The following PCDH15 variants were observed in gnomAD, a reference collection of about 807,000 sequenced individuals.
The protein encoded by PCDH15 is protocadherin-15.
PCDH15 carries 129 observed loss-of-function variants against 178.5 expected under a neutral mutation model. The ratio of observed to expected loss-of-function variants is 0.72; its 90% CI spans 0.63 to 0.84. The LOEUF (loss-of-function observed/expected upper bound fraction) is 0.84, where lower values mean the gene tolerates loss of function less well. PCDH15 is among the 40% of genes least tolerant of loss of function. The pLI, the probability that PCDH15 is intolerant of heterozygous loss-of-function variation, is 0.00. For synonymous variants in PCDH15, 800 were observed against 732.0 expected, an observed-to-expected ratio of 1.09 and a Z score of -1.50; for missense variants, 2,230 against 2,099.9, an observed-to-expected ratio of 1.06 and a Z score of -1.21.
chr10:54,215,876 C>CT lies in PCDH15; in HGVS notation c.986-1829dup, dbSNP rs538756832. ...CTGACACAGTGAAAGCCCGCCTCTA[C>CT]TAAAAAAAATACAAAAAATTAGCCA... On this transcript the variant is annotated intron_variant, in intron 9 of 37. Transcript: ENST00000644397. 1.8e-3 allele frequency among the ~76,000 whole-genome samples: 271 copies of CT among 151,268 alleles called. 1 individual carries two copies. The highest frequency in any genetic ancestry group is 6.1e-3 in the African/African-American group (253 of 41,254).
At chr10:54,151,517 G>A (rs2044529301) in intron 14 of PCDH15, among the ~76,000 whole-genome samples, 1 of 151,998 alleles carries the variant, frequency 6.6e-6, no homozygotes, top group East Asian at 1.9e-4. Flanking sequence ...TCTAGACTGG[G>A]AGACAGAGTT....
In PCDH15 at chr10:55,572,610, CA is replaced by C. The variant is rs143419128; in HGVS notation, c.-156+55014del. On this transcript the variant is annotated intron_variant, in intron 2 of 5. Transcript: ENST00000613346. ...GATAAACAATAAACGAGGAAACAAG[CA>C]AATACAGAATATGTCATGTACGGAT... is the stretch of plus-strand genomic sequence containing the variant. Among the ~76,000 whole-genome samples the C allele has an allele frequency of 2.9e-4, 44 of 151,960 alleles. No homozygotes were observed. In the East Asian group the frequency reaches 7.6e-3, roughly 26 times the overall value.
At chr10:55,531,365 T>C (rs930599729) in intron 2 of PCDH15, among the ~76,000 whole-genome samples, 1 of 152,128 alleles carries the variant, frequency 6.6e-6, no homozygotes, top group East Asian at 1.9e-4. Flanking sequence ...TCTTCAAACA[T>C]GTTTTTCCTC....
At chr10:54,945,671 C>T (rs1261868138) in intron 2 of PCDH15, among the ~76,000 whole-genome samples, 1 of 151,654 alleles carries the variant, frequency 6.6e-6, no homozygotes, top group Non-Finnish European at 1.5e-5. Context: ...TAAACAGTAG[C>T]CTTTCTAAAA....
chr10:54,004,979 G>A (rs2092332942), intron 20 of PCDH15, among the ~76,000 whole-genome samples: 2 of 150,544 alleles, frequency 1.3e-5, no homozygotes, highest in Non-Finnish European at 1.5e-5. Flanking sequence ...ATATATCCAT[G>A]GAACAGAATT....
intron 26 of PCDH15, among the ~76,000 whole-genome samples, chr10:53,881,893 T>C (rs998354137): frequency 2.6e-5 from 4 of 152,028 alleles, no homozygotes; most frequent in South Asian, 4.1e-4. Context: ...ATCTGAAGAG[T>C]TGGCCCCAAA....
At chr10:53,955,249 G>C (rs779691217) in intron 23 of PCDH15, among the ~76,000 whole-genome samples, 1 of 152,144 alleles carries the variant, frequency 6.6e-6, no homozygotes, top group Non-Finnish European at 1.5e-5. Flanking sequence ...TTTTGAAATA[G>C]AGTGTTGAAG....
intron 1 of PCDH15, among the ~76,000 whole-genome samples, chr10:54,774,126 T>A (rs1054420231): frequency 3.5e-5 from 5 of 144,906 alleles, no homozygotes; most frequent in Non-Finnish European, 7.5e-5. Flanking sequence ...CCTCCTGGGT[T>A]CACACCACTC....
intron 1 of PCDH15, among the ~76,000 whole-genome samples, chr10:54,779,429 C>CAT (rs200324192): frequency 0.21 from 20,686 of 99,368 alleles, 2,667 homozygotes; most frequent in East Asian, 0.64. Flanking sequence ...TATACACACA[C>CAT]ATATGTGTAT....
rs536804170 is a variant in PCDH15, at chr10:53,946,819, C to T, written c.3123-5844G>A. On this transcript the variant is annotated intron_variant, in intron 23 of 37. Transcript: ENST00000644397. ...TTTAGACGGAGTCTCGCTCTATCGC[C>T]CAGACTGGAGTGCAGTGGCGCGATC... Among the ~76,000 whole-genome samples the T allele has an allele frequency of 3.3e-5, 5 of 152,302 alleles. No homozygotes were observed. The East Asian group carries it at 7.7e-4, about 24-fold the overall frequency.
At chr10:53,869,090 G>A (rs1403043032) in intron 26 of PCDH15, among the ~76,000 whole-genome samples, 1 of 152,154 alleles carries the variant, frequency 6.6e-6, no homozygotes, top group Non-Finnish European at 1.5e-5. Context: ...TTACAGACAT[G>A]AGCCACTGTG....
intron 18 of PCDH15, among the ~76,000 whole-genome samples, chr10:54,046,984 C>G (rs1213593426): frequency 6.6e-6 from 1 of 151,870 alleles, no homozygotes; most frequent in Non-Finnish European, 1.5e-5. Context: ...CTGAACTGAA[C>G]TAAAGTGAAT....
In PCDH15 at chr10:54,686,627, T is replaced by C. The variant is rs187434133; in HGVS notation, c.-28-22337A>G. The stretch of plus-strand genomic sequence containing the variant: ...GTGTCCAATACCATTCTTTTTTATA[T>C]TCTTATCTATTTTTCCACCACCATG... On this transcript the variant is annotated intron_variant, in intron 1 of 37. Transcript: ENST00000644397. 1.8e-4 allele frequency among the ~76,000 whole-genome samples: 28 copies of C among 152,318 alleles called. No homozygotes were observed. The East Asian group carries it at 4.8e-3, about 26-fold the overall frequency.
At chr10:54,467,386 C>A (rs1449491138) in intron 3 of PCDH15, among the ~76,000 whole-genome samples, 1 of 151,532 alleles carries the variant, frequency 6.6e-6, no homozygotes, top group African/African-American at 2.4e-5. Flanking sequence ...TTCCCTATTT[C>A]TCTGTGTCTA....
chr10:54,088,553 A>G (rs984853549), intron 16 of PCDH15, among the ~76,000 whole-genome samples: 1 of 152,160 alleles, frequency 6.6e-6, no homozygotes, highest in Admixed American at 6.6e-5. Context: ...AAAATTGACG[A>G]GACCCAATTT....
chr10:54,313,180 C>T (rs2061013107), intron 8 of PCDH15, among the ~76,000 whole-genome samples: 1 of 151,952 alleles, frequency 6.6e-6, no homozygotes. Flanking sequence ...GGCAAGAATC[C>T]ACTATCCTTA....
chr10:55,463,836 GAT>G (rs780883261), intron 2 of PCDH15, among the ~76,000 whole-genome samples: 2 of 150,294 alleles, frequency 1.3e-5, no homozygotes, highest in Non-Finnish European at 3.0e-5. Flanking sequence ...TATTAAATGA[GAT>G]AGGGTGACAG....
chr10:55,221,363 A>T (rs1226690293), intron 1 of PCDH15, among the ~76,000 whole-genome samples: 1 of 152,104 alleles, frequency 6.6e-6, no homozygotes, highest in Non-Finnish European at 1.5e-5. Context: ...TTACTGATAT[A>T]AAAATATGTA....
chr10:55,502,839 C>A (rs1473219906), intron 2 of PCDH15, among the ~76,000 whole-genome samples: 2 of 151,282 alleles, frequency 1.3e-5, no homozygotes, highest in African/African-American at 2.4e-5. Flanking sequence ...ACTTGTTATT[C>A]TTTTTTTTCG....
Sources: allele counts gnomAD v4.1 joint callset (sites outside exome capture counted in the v4.1 genomes callset), GRCh38; gene constraint gnomAD v4.1.1; transcripts MANE v1.5; gene names NCBI Gene and HGNC (gene_info 2026-07-23, HGNC 2026-07-21).